Variants in EXT2 observed in about 807,000 individuals in gnomAD.
EXT2 encodes exostosin-2.
EXT2 carries 53 observed loss-of-function variants against 81.6 expected under a neutral mutation model. The observed-to-expected ratio is 0.65, with a 90% CI of 0.52 to 0.82. The LOEUF is 0.82. Among genes scored for constraint, EXT2 ranks in the 40% least tolerant of loss-of-function variants. EXT2 has a pLI of 0.00. For missense variants in EXT2, 774 were observed against 910.2 expected (o/e 0.85, Z 1.93); for synonymous variants, 320 against 340.0 (o/e 0.94, Z 0.65).
rs758194845 is a variant in EXT2, at chr11:44,107,973, G to A, written c.261G>A (p.Met87Ile). The A allele has an allele frequency of 6.2e-7, 1 of 1,614,202 alleles. No individual in the cohort carries two copies. Among genetic ancestry groups the A allele is most frequent in the South Asian group, 1.1e-5 (1 of 91,088 alleles). ...AGCGGGGGGATCTCAGTTGCAGAAT[G>A]CACACGTGTTTTGATGTCTATCGCT... Reference protein sequence around the residue: ...IPERGDLSCRMHTCFDVYRCG... With the variant: ...IPERGDLSCRIHTCFDVYRCG... The change falls in exon 2 of 14, where the codon ATG becomes ATA. Residue 87 changes from methionine (M) to isoleucine (I), a missense_variant. Met to Ile is a conservative substitution (Grantham distance 10). This residue lies in a region of EXT2 where 626 missense variants were observed against 670.5 expected (regional missense o/e 0.93). Coordinates refer to ENST00000533608, the MANE Select transcript of EXT2 (RefSeq NM_207122.2).
chr11:44,138,408 G>A (rs1234216906), intron 7 of EXT2, among the ~76,000 whole-genome samples: 2 of 152,226 alleles, frequency 1.3e-5, no homozygotes, highest in East Asian at 3.9e-4. Context: ...GTTAGGCCTA[G>A]TCTGCAGCTG....
intron 10 of EXT2, among the ~76,000 whole-genome samples, chr11:44,230,604 G>T (rs924451896): frequency 6.6e-6 from 1 of 152,202 alleles, no homozygotes; most frequent in Non-Finnish European, 1.5e-5. Flanking sequence ...GGGGAAGATG[G>T]CCTTGTGAAG....
intron 7 of EXT2, among the ~76,000 whole-genome samples, chr11:44,144,714 T>G (rs1380859436): frequency 1.3e-5 from 2 of 152,206 alleles, no homozygotes; most frequent in Non-Finnish European, 2.9e-5. Context: ...TGACTCAGGC[T>G]TCCCCTTTTC....
intron 1 of EXT2, chr11:44,103,583 A>G (rs1428127948): frequency 2.5e-6 from 1 of 404,556 alleles, no homozygotes; most frequent in East Asian, 7.7e-5. Flanking sequence ...CTCTGGAATA[A>G]TTTGTGGAAA....
intron 7 of EXT2, among the ~76,000 whole-genome samples, chr11:44,141,881 G>A (rs894963337): frequency 1.3e-5 from 2 of 152,180 alleles, no homozygotes; most frequent in African/African-American, 2.4e-5. Flanking sequence ...ATATTTCTGA[G>A]AAATAATGAT....
chr11:44,178,629 G>A (rs1479252429), intron 8 of EXT2, among the ~76,000 whole-genome samples: 1 of 152,178 alleles, frequency 6.6e-6, no homozygotes, highest in Non-Finnish European at 1.5e-5. Flanking sequence ...TAGCTCGGAT[G>A]TATGAAGCAG....
chr11:44,127,019 C>T (rs1590571183), intron 6 of EXT2, 64 bp downstream of exon 6: 3 of 1,588,824 alleles, frequency 1.9e-6, no homozygotes, highest in Non-Finnish European at 2.6e-6. Context: ...ATAAAATCTC[C>T]TCAGGTCATT....
At chr11:44,102,534 CTTTTTTTTTTTT>C (rs59752163) in intron 1 of EXT2, among the ~76,000 whole-genome samples, 34 of 106,166 alleles carry the variant, frequency 3.2e-4, no homozygotes, top group African/African-American at 1.3e-3. Flanking sequence ...CTGTCTCTCT[CTTTTTTTTTTTT>C]TTTTTTTTTG....
At chr11:44,146,352 A>C (rs1200255791) in intron 7 of EXT2, among the ~76,000 whole-genome samples, 1 of 152,192 alleles carries the variant, frequency 6.6e-6, no homozygotes, top group East Asian at 1.9e-4. Flanking sequence ...AGGTCTGTAT[A>C]AAGTATAAGA....
Position 44,107,749 on chromosome 11 carries a change from G to C in EXT2, c.37G>C (p.Ala13Pro). Residue 13 changes from alanine (A) to proline (P), a missense_variant, in exon 2 of 14, where the codon GCC (alanine) becomes CCC (proline). Around this residue, in one of 2 missense-constraint regions of EXT2, gnomAD observed 626 missense variants for 670.5 expected, o/e 0.93. Transcript: ENST00000533608. ...ASVKYNIRGP[A>P]LIPRMKTKHR... Reference sequence around the variant, plus strand: ...GGTCAAGTATAATATCCGGGGTCCTGCCCTCATCCCAAGAATGAAGACCAA... The same window carrying C: ...GGTCAAGTATAATATCCGGGGTCCTCCCCTCATCCCAAGAATGAAGACCAA... 6.2e-7 allele frequency: 1 copy of C among 1,614,156 alleles called. No homozygotes were observed. Among genetic ancestry groups the C allele is most frequent in the Non-Finnish European group, 8.5e-7 (1 of 1,180,038 alleles).
chr11:44,218,180 T>C (rs371360303), intron 10 of EXT2, among the ~76,000 whole-genome samples: 37 of 152,332 alleles, frequency 2.4e-4, no homozygotes, highest in East Asian at 9.6e-4. Flanking sequence ...AAGTACATAC[T>C]CTCAAAGAAC....
At position 44,250,961 on chromosome 11, in the gene EXT2, T is replaced by C. The variant is rs1401079006; in HGVS notation, c.*6674T>C. Among the ~76,000 whole-genome samples, 2 of 152,232 alleles carry C rather than the reference T, an allele frequency of 1.3e-5. No homozygotes were observed. The highest frequency in any genetic ancestry group is 1.5e-5 in the Non-Finnish European group (1 of 68,034). On this transcript the variant is annotated 3_prime_UTR_variant, in exon 14 of 14. Coordinates refer to ENST00000533608, the MANE Select transcript of EXT2 (RefSeq NM_207122.2). ...TGTACATTGGTGGCAGCACCTCCTA[T>C]AGGATTTCCAATAGTCTTTCTCTAG...
rs1032804076 is a variant in EXT2, at chr11:44,176,073, T to A, written c.1305+4331T>A. Among the ~76,000 whole-genome samples, 3 of 152,150 alleles carry A rather than the reference T, an allele frequency of 2.0e-5. No homozygotes were observed. In the East Asian group the frequency reaches 5.8e-4, roughly 29 times the overall value. Reference sequence around the variant, plus strand: ...CCCTTGAGCCTCCTCTGGGCTGAAATGTTACTACTGTTCCAAGCAAATGGT... The same window carrying A: ...CCCTTGAGCCTCCTCTGGGCTGAAAAGTTACTACTGTTCCAAGCAAATGGT... On this transcript the variant is annotated intron_variant, in intron 8 of 13. Coordinates refer to ENST00000533608, the MANE Select transcript of EXT2 (RefSeq NM_207122.2).
At chr11:44,209,349 G>A (rs1193162622) in intron 10 of EXT2, among the ~76,000 whole-genome samples, 1 of 152,122 alleles carries the variant, frequency 6.6e-6, no homozygotes, top group Non-Finnish European at 1.5e-5. Flanking sequence ...CTTTACAGAT[G>A]CCATGTTAGC....
intron 8 of EXT2, among the ~76,000 whole-genome samples, chr11:44,188,974 T>C (rs1170524810): frequency 6.6e-6 from 1 of 152,044 alleles, no homozygotes; most frequent in Non-Finnish European, 1.5e-5. Context: ...TAAAAGTAAA[T>C]TTACAGCCTG....
Position 44,107,965 on chromosome 11 carries a change from T to A in EXT2, c.253T>A (p.Cys85Ser), listed in dbSNP as rs778594219. 6.2e-7 allele frequency: 1 copy of A among 1,614,246 alleles called. No individual in the cohort carries two copies. Among genetic ancestry groups the A allele is most frequent in the Non-Finnish European group, 8.5e-7 (1 of 1,180,046 alleles). Residue 85 changes from cysteine to serine, a missense_variant, in exon 2 of 14, where the codon TGC becomes AGC. By Grantham distance (112) the Cys-to-Ser change is moderately radical. Around this residue, in one of 2 missense-constraint regions of EXT2, gnomAD observed 626 missense variants for 670.5 expected, o/e 0.93. Transcript: ENST00000533608. ...SPIPERGDLSCRMHTCFDVYR... is the reference protein window; with the variant it reads ...SPIPERGDLSSRMHTCFDVYR... ...CATCCCAGAGCGGGGGGATCTCAGT[T>A]GCAGAATGCACACGTGTTTTGATGT...
intron 7 of EXT2, among the ~76,000 whole-genome samples, chr11:44,149,977 A>G (rs1954771733): frequency 1.3e-5 from 2 of 152,218 alleles, no homozygotes; most frequent in South Asian, 2.1e-4. Flanking sequence ...TCAACTTTTT[A>G]TATGTGGATG....
chr11:44,123,298 AAAAC>A (rs1190359817), intron 4 of EXT2, among the ~76,000 whole-genome samples: 5 of 152,250 alleles, frequency 3.3e-5, no homozygotes, highest in African/African-American at 7.2e-5. Flanking sequence ...TTCAAAGCCA[AAAAC>A]AAACAAACAA....
At chr11:44,117,471 T>C (rs1954238688) in intron 4 of EXT2, among the ~76,000 whole-genome samples, 1 of 152,296 alleles carries the variant, frequency 6.6e-6, no homozygotes, top group South Asian at 2.1e-4. Flanking sequence ...TATGGTTCAT[T>C]TTGGTTAATT....
Sources: allele counts gnomAD v4.1 joint callset (sites outside exome capture counted in the v4.1 genomes callset), GRCh38; gene constraint gnomAD v4.1.1; regional missense constraint gnomAD v4.1.1; transcripts MANE v1.5; gene names NCBI Gene and HGNC (gene_info 2026-07-23, HGNC 2026-07-21).